ATXN10: variants seen among roughly 807,000 people sequenced by gnomAD.
The protein encoded by ATXN10 is ataxin 10, also known as ataxin-10.
ATXN10 carries 28 observed loss-of-function variants against 52.9 expected under a neutral mutation model. The ratio of observed to expected loss-of-function variants is 0.53; its 90% CI spans 0.39 to 0.73. The LOEUF (loss-of-function observed/expected upper bound fraction) is 0.73, where lower values mean the gene tolerates loss of function less well. Among genes scored for constraint, ATXN10 ranks in the 30% least tolerant of loss-of-function variants. The pLI is 0.00. For missense variants in ATXN10, 565 were observed against 577.0 expected (o/e 0.98, Z 0.21); for synonymous variants, 226 against 221.5 (o/e 1.02, Z -0.18).
chr22:45,805,107 C>A lies in ATXN10; in HGVS notation c.1174-1852C>A, dbSNP rs1438209806. ...TTGAGTTGTTTCATAATAAGTTGTG[C>A]TGCACCCAGTATCATTAGTCATCAG... is the stretch of plus-strand genomic sequence containing the variant. On this transcript the variant is annotated intron_variant, in intron 9 of 11. Transcript: ENST00000252934. This position sits in a 1 kb window ranked among gnomAD's most constrained non-coding sequence, Gnocchi z 4.4. 6.6e-6 allele frequency among the ~76,000 whole-genome samples: 1 copy of A among 152,188 alleles called. No homozygotes were observed. Among genetic ancestry groups the A allele is most frequent in the Non-Finnish European group, 1.5e-5 (1 of 68,036 alleles).
At chr22:45,827,751 CAG>C (rs1855459934) in intron 10 of ATXN10, among the ~76,000 whole-genome samples, 1 of 152,110 alleles carries the variant, frequency 6.6e-6, no homozygotes, top group Non-Finnish European at 1.5e-5. Context: ...AGTAAGGAAA[CAG>C]AGGACTTAAT....
chr22:45,832,843 T>C (rs1456653215), intron 10 of ATXN10, among the ~76,000 whole-genome samples: 2 of 152,240 alleles, frequency 1.3e-5, no homozygotes, highest in African/African-American at 4.8e-5. Context: ...AAATGAAATA[T>C]TCAGTACTTC....
At chr22:45,729,845 T>C (rs533843630) in intron 7 of ATXN10, 242 of 496,850 alleles carry the variant, frequency 4.9e-4, no homozygotes, top group South Asian at 2.9e-3. Context: ...CACACAGACG[T>C]AGACATGTGC....
At chr22:45,817,805 G>A (rs1402135222) in intron 10 of ATXN10, among the ~76,000 whole-genome samples, 2 of 152,136 alleles carry the variant, frequency 1.3e-5, no homozygotes, top group Non-Finnish European at 2.9e-5. Flanking sequence ...GTGCAGGACT[G>A]TGAGATGAAT....
chr22:45,689,864 A>G lies in ATXN10; in HGVS notation c.269A>G (p.Asn90Ser), dbSNP rs370904824. Residue 90 changes from asparagine to serine, a missense_variant, in exon 2 of 12, where the codon AAT (asparagine) becomes AGT (serine). By Grantham distance (46) the Asn-to-Ser change is conservative (BLOSUM62 1). Coordinates refer to ENST00000252934, the MANE Select transcript of ATXN10 (RefSeq NM_013236.4). ...LITECFRCLR[N>S]ACIECSVNQN... ...ACAGAATGCTTCAGGTGTCTTCGCA[A>G]TGCTTGCATAGAGTGTTCTGTGAAC... The G allele has an allele frequency of 4.3e-6, 7 of 1,614,220 alleles. No homozygotes were observed. Among genetic ancestry groups the G allele is most frequent in the South Asian group, 1.1e-5 (1 of 91,084 alleles).
chr22:45,804,338 A>G (rs1044795056), intron 9 of ATXN10, among the ~76,000 whole-genome samples: 2 of 152,250 alleles, frequency 1.3e-5, no homozygotes, highest in Non-Finnish European at 2.9e-5. Context: ...ATTGCCTAGT[A>G]TATGCCAGGT....
chr22:45,691,677 T>C (rs1923384060), intron 2 of ATXN10, among the ~76,000 whole-genome samples: 1 of 152,204 alleles, frequency 6.6e-6, no homozygotes, highest in South Asian at 2.1e-4. Flanking sequence ...GGGTGAATCA[T>C]GAGGTCAGGA....
chr22:45,714,895 C>G (rs961684359), intron 5 of ATXN10, among the ~76,000 whole-genome samples: 1 of 152,162 alleles, frequency 6.6e-6, no homozygotes, highest in Non-Finnish European at 1.5e-5. Context: ...GATTCACTCT[C>G]ATTTTTGTTT....
intron 10 of ATXN10, among the ~76,000 whole-genome samples, chr22:45,839,924 C>T (rs1383630126): frequency 6.6e-6 from 1 of 152,240 alleles, no homozygotes; most frequent in South Asian, 2.1e-4. Flanking sequence ...GCCCCACCCA[C>T]GTGGTGAATG....
At chr22:45,751,761 AAAAAT>A (rs1925974227) in intron 9 of ATXN10, among the ~76,000 whole-genome samples, 3 of 57,516 alleles carry the variant, frequency 5.2e-5, no homozygotes, top group African/African-American at 2.4e-4. Flanking sequence ...AAAATAAAAA[AAAAAT>A]AATAATAATA....
chr22:45,698,893 G>A (rs1923724042), intron 3 of ATXN10, among the ~76,000 whole-genome samples: 3 of 152,146 alleles, frequency 2.0e-5, no homozygotes, highest in African/African-American at 7.2e-5. Flanking sequence ...TCCTAACAAA[G>A]CGCCTGTACT....
At chr22:45,778,273 C>T (rs1927029891) in intron 9 of ATXN10, among the ~76,000 whole-genome samples, 1 of 152,148 alleles carries the variant, frequency 6.6e-6, no homozygotes, top group African/African-American at 2.4e-5. Context: ...TATCCATTTA[C>T]TCAGTGAGTA....
At chr22:45,714,984 A>C (rs1283945377) in intron 5 of ATXN10, among the ~76,000 whole-genome samples, 1 of 152,164 alleles carries the variant, frequency 6.6e-6, no homozygotes, top group Admixed American at 6.6e-5. Context: ...TCCTTGCCCT[A>C]GTCCCTATAC....
chr22:45,749,074 G>C (rs539851426), intron 9 of ATXN10, among the ~76,000 whole-genome samples: 1 of 152,108 alleles, frequency 6.6e-6, no homozygotes, highest in Non-Finnish European at 1.5e-5. Flanking sequence ...ATGTAACAGC[G>C]TACTATTGTC....
rs938253886 is a variant in ATXN10 at position 45,819,805 on chromosome 22, A to G, written c.1237+12783A>G. Among the ~76,000 whole-genome samples, 1 of 152,252 alleles carries G rather than the reference A, an allele frequency of 6.6e-6. No homozygotes were observed. Among genetic ancestry groups the G allele is most frequent in the Non-Finnish European group, 1.5e-5 (1 of 68,046 alleles). ...TTAAAAACAGCAGTGACTTTTGGAT[A>G]CGTTGAGAAAGTTAATACCTTTTTA... On this transcript the variant is annotated intron_variant, in intron 10 of 11. Transcript: ENST00000252934. This position sits in a 1 kb window ranked among gnomAD's most constrained non-coding sequence, Gnocchi z 4.5.
Position 45,733,454 on chromosome 22 carries a change from G to T in ATXN10, c.894+3864G>T, listed in dbSNP as rs1008740451. Among the ~76,000 whole-genome samples the T allele has an allele frequency of 2.0e-5, 3 of 152,124 alleles. No individual in the cohort carries two copies. Among genetic ancestry groups the T allele is most frequent in the South Asian group, 2.1e-4 (1 of 4,824 alleles). On this transcript the variant is annotated intron_variant, in intron 7 of 11. Transcript: ENST00000252934. This position sits in a 1 kb window ranked among gnomAD's most constrained non-coding sequence, Gnocchi z 4.4. ...TGAAACATAAAGTTACAAAGTTTCA[G>T]CCAGGCGTGGTGGCTCATACCTGTA...
chr22:45,801,161 C>T (rs953507815), intron 9 of ATXN10, among the ~76,000 whole-genome samples: 4 of 152,146 alleles, frequency 2.6e-5, no homozygotes, highest in South Asian at 2.1e-4. Flanking sequence ...GGAGATCAGG[C>T]GTTTTCACCT....
Position 45,825,395 on chromosome 22 carries a change from G to A in ATXN10, c.1238-17596G>A, listed in dbSNP as rs964063732. 1.3e-5 allele frequency among the ~76,000 whole-genome samples: 2 copies of A among 152,130 alleles called. No individual in the cohort carries two copies. The highest frequency in any genetic ancestry group is 4.8e-5 in the African/African-American group (2 of 41,414). ...ACATTGAAAAATAACTGTATATACA[G>A]GGAAAATTAGAAAGTCACCGTAGAT... On this transcript the variant is annotated intron_variant, in intron 10 of 11. Transcript: ENST00000252934. The surrounding 1 kb of genome is among the most constrained non-coding windows in gnomAD (Gnocchi z 4.5).
intron 5 of ATXN10, among the ~76,000 whole-genome samples, chr22:45,704,871 C>G (rs1245882006): frequency 6.6e-6 from 1 of 152,182 alleles, no homozygotes; most frequent in Admixed American, 6.5e-5. Flanking sequence ...GTGGGGCAGT[C>G]TTTCAGTGTG....
Sources: allele counts gnomAD v4.1 joint callset (sites outside exome capture counted in the v4.1 genomes callset), GRCh38; gene constraint gnomAD v4.1.1; non-coding constraint Gnocchi (gnomAD v3.1); transcripts MANE v1.5; gene names NCBI Gene and HGNC (gene_info 2026-07-23, HGNC 2026-07-21).